Variants in MACROD2 observed in about 807,000 individuals in gnomAD.
MACROD2 encodes the protein mono-ADP ribosylhydrolase 2.
A neutral mutation model predicts 70.4 loss-of-function variants in MACROD2; 36 were observed. The observed-to-expected ratio is 0.51, with a 90% CI of 0.39 to 0.68. MACROD2 has a LOEUF of 0.68. MACROD2 is among the 30% of genes least tolerant of loss of function. The pLI, the probability that MACROD2 is intolerant of heterozygous loss-of-function variation, is 0.00. For synonymous variants in MACROD2, 172 were observed against 178.8 expected (o/e 0.96, Z 0.30); for missense variants, 496 against 538.4 (o/e 0.92, Z 0.78).
intron 1 of MACROD2, among the ~76,000 whole-genome samples, chr20:13,999,196 TTGGTGTC>T (rs2052701000): frequency 6.6e-6 from 1 of 152,216 alleles, no homozygotes; most frequent in African/African-American, 2.4e-5. Context: ...GTTTAATTTC[TTGGTGTC>T]TTCAGGTTCC....
intron 3 of MACROD2, among the ~76,000 whole-genome samples, chr20:14,177,949 CT>C (rs2081276191): frequency 6.6e-6 from 1 of 152,108 alleles, no homozygotes; most frequent in East Asian, 1.9e-4. Context: ...TAGGGAAAGG[CT>C]TTTTAACTCT....
chr20:14,370,531 G>T (rs1003864983), intron 3 of MACROD2, among the ~76,000 whole-genome samples: 7 of 152,048 alleles, frequency 4.6e-5, no homozygotes, highest in African/African-American at 1.4e-4. Flanking sequence ...AGCATAGAAG[G>T]CCATCTAAAG....
chr20:14,545,637 T>C (rs933549302), intron 4 of MACROD2, among the ~76,000 whole-genome samples: 16 of 152,318 alleles, frequency 1.1e-4, no homozygotes, highest in African/African-American at 3.6e-4. Flanking sequence ...TTTATGAACA[T>C]TAAGATAGTG....
intron 5 of MACROD2, among the ~76,000 whole-genome samples, chr20:14,737,783 C>T (rs562616003): frequency 6.0e-4 from 92 of 152,234 alleles, no homozygotes; most frequent in African/African-American, 2.1e-3. Context: ...ATCCTTCATC[C>T]GCTTTTTGAT....
At chr20:15,597,306 A>G (rs527807010) in intron 8 of MACROD2, among the ~76,000 whole-genome samples, 1 of 152,336 alleles carries the variant, frequency 6.6e-6, no homozygotes, top group Admixed American at 6.5e-5. Flanking sequence ...CACATGAAAA[A>G]TGTAAAAGAT....
At chr20:15,333,515 C>T (rs985301469) in intron 6 of MACROD2, among the ~76,000 whole-genome samples, 4 of 151,462 alleles carry the variant, frequency 2.6e-5, no homozygotes, top group East Asian at 1.9e-4. Flanking sequence ...AGAAGATCAG[C>T]GCTGGAAGAA....
intron 3 of MACROD2, among the ~76,000 whole-genome samples, chr20:14,193,162 A>G (rs1045628758): frequency 2.6e-5 from 4 of 152,164 alleles, no homozygotes; most frequent in African/African-American, 9.7e-5. Flanking sequence ...GTCTAATTGA[A>G]CCATCTTAAA....
At chr20:15,592,993 G>A (rs955337093) in intron 8 of MACROD2, among the ~76,000 whole-genome samples, 2 of 152,114 alleles carry the variant, frequency 1.3e-5, no homozygotes, top group Non-Finnish European at 2.9e-5. Flanking sequence ...TTACCAATCT[G>A]AGTGACATAT....
intron 7 of MACROD2, among the ~76,000 whole-genome samples, chr20:15,487,746 C>T (rs1310509050): frequency 6.6e-6 from 1 of 152,154 alleles, no homozygotes; most frequent in African/African-American, 2.4e-5. Context: ...GAGCTGAACA[C>T]TGAGAAGTTT....
chr20:14,810,695 C>T (rs745418133), intron 5 of MACROD2, among the ~76,000 whole-genome samples: 52 of 151,674 alleles, frequency 3.4e-4, no homozygotes, highest in Non-Finnish European at 5.5e-4. Context: ...AAAACCCCAT[C>T]GTCAGCCCAA....
chr20:15,436,502 G>A (rs6514569), intron 7 of MACROD2, among the ~76,000 whole-genome samples: 98,551 of 151,890 alleles, frequency 0.65, 33,136 homozygotes, highest in African/African-American at 0.81. Context: ...GGGAGCTACA[G>A]GAGGAGATTT....
intron 3 of MACROD2, among the ~76,000 whole-genome samples, chr20:14,468,046 A>G (rs1430206588): frequency 1.3e-5 from 2 of 152,032 alleles, no homozygotes; most frequent in Admixed American, 1.3e-4. Context: ...GGTCAATTTT[A>G]GAATAAGTGT....
intron 5 of MACROD2, among the ~76,000 whole-genome samples, chr20:15,094,486 T>A (rs1230780186): frequency 6.6e-6 from 1 of 152,228 alleles, no homozygotes; most frequent in East Asian, 1.9e-4. Context: ...AAGCCTGTAG[T>A]CTGTGTCCAA....
intron 3 of MACROD2, among the ~76,000 whole-genome samples, chr20:14,149,619 T>A (rs200727371): frequency 6.6e-6 from 1 of 152,212 alleles, no homozygotes; most frequent in Non-Finnish European, 1.5e-5. Flanking sequence ...ATAAGTGTTC[T>A]ATTTTCTCCA....
chr20:15,853,240 A>T (rs2064320014), intron 8 of MACROD2, among the ~76,000 whole-genome samples: 1 of 152,172 alleles, frequency 6.6e-6, no homozygotes, highest in African/African-American at 2.4e-5. Flanking sequence ...ACTGATGTTT[A>T]TGGAGCATTT....
chr20:15,872,124 T>TA (rs2064593812), intron 9 of MACROD2, among the ~76,000 whole-genome samples: 2 of 152,174 alleles, frequency 1.3e-5, no homozygotes, highest in African/African-American at 4.8e-5. Flanking sequence ...ACTTGTCTGC[T>TA]AAAAAAGCCA....
intron 7 of MACROD2, among the ~76,000 whole-genome samples, chr20:15,449,374 G>A (rs951879046): frequency 6.6e-6 from 1 of 152,118 alleles, no homozygotes; most frequent in Non-Finnish European, 1.5e-5. Flanking sequence ...ACAGGAGCTT[G>A]AGGGGCATTT....
intron 5 of MACROD2, among the ~76,000 whole-genome samples, chr20:15,006,158 TGTG>T (rs2075035482): frequency 1.3e-5 from 2 of 150,964 alleles, no homozygotes; most frequent in African/African-American, 4.9e-5. Context: ...TGTGTGTGTG[TGTG>T]TGTGTGTGTG....
chr20:14,634,385 G>A (rs1825166412), intron 4 of MACROD2, among the ~76,000 whole-genome samples: 1 of 152,156 alleles, frequency 6.6e-6, no homozygotes, highest in African/African-American at 2.4e-5. Context: ...AATGAATTTT[G>A]TAAAGGCCAC....
Sources: gnomAD v4.1 joint callset for allele counts (sites outside exome capture counted in the v4.1 genomes callset) on GRCh38, gnomAD v4.1.1 for gene constraint, MANE v1.5 for transcripts, NCBI Gene and HGNC (gene_info 2026-07-23, HGNC 2026-07-21) for gene names.